SERPINA12: variants seen among roughly 807,000 people sequenced by gnomAD.
SERPINA12 encodes the protein serpin family A member 12, also known as serpin A12.
Under a neutral mutation model 25.9 loss-of-function variants are expected in SERPINA12, and 21 were observed. The ratio of observed to expected loss-of-function variants is 0.81; its 90% CI spans 0.58 to 1.17. SERPINA12 has a LOEUF of 1.17. SERPINA12 is among the 50% of genes most tolerant of loss of function. The pLI, the probability that SERPINA12 is intolerant of heterozygous loss-of-function variation, is 0.00. For synonymous variants in SERPINA12, 220 were observed against 196.0 expected, an observed-to-expected ratio of 1.12 and a Z score of -1.02; for missense variants, 562 against 508.3, an observed-to-expected ratio of 1.11 and a Z score of -1.02.
chr14:94,505,461 G>A (rs1339522733), intron 1 of SERPINA12, among the ~76,000 whole-genome samples: 1 of 152,240 alleles, frequency 6.6e-6, no homozygotes, highest in Non-Finnish European at 1.5e-5. Flanking sequence ...AAGACACCAT[G>A]TGAACGGCGA....
At chr14:94,487,837 G>A (rs1342765645) in intron 4 of SERPINA12, among the ~76,000 whole-genome samples, 3 of 152,152 alleles carry the variant, frequency 2.0e-5, no homozygotes, top group Non-Finnish European at 4.4e-5. Flanking sequence ...CTGGGTGAAA[G>A]TGAGGTGGTG....
chr14:94,508,325 G>A (rs1033152744), intron 1 of SERPINA12, among the ~76,000 whole-genome samples: 1 of 152,134 alleles, frequency 6.6e-6, no homozygotes, highest in African/African-American at 2.4e-5. Context: ...AAAGCTTCTA[G>A]TACAAAATGT....
intron 3 of SERPINA12, among the ~76,000 whole-genome samples, chr14:94,494,728 A>C (rs890199037): frequency 6.6e-6 from 1 of 152,236 alleles, no homozygotes; most frequent in Non-Finnish European, 1.5e-5. Context: ...ATGGGAAGGA[A>C]AGAGGAATTT....
chr14:94,505,269 A>G (rs944842901), intron 1 of SERPINA12, among the ~76,000 whole-genome samples: 2 of 152,164 alleles, frequency 1.3e-5, no homozygotes, highest in Non-Finnish European at 2.9e-5. Context: ...AAGAGGAGAC[A>G]CTAGTTCATT....
At chr14:94,501,863 C>T (rs761672635) in intron 1 of SERPINA12, among the ~76,000 whole-genome samples, 1 of 152,100 alleles carries the variant, frequency 6.6e-6, no homozygotes, top group African/African-American at 2.4e-5. Flanking sequence ...TCTGTCATCA[C>T]GGGCTTTAAA....
At chr14:94,499,654 T>C (rs924510024) in intron 1 of SERPINA12, among the ~76,000 whole-genome samples, 2 of 152,184 alleles carry the variant, frequency 1.3e-5, no homozygotes, top group African/African-American at 4.8e-5. Context: ...TTCATGGTTG[T>C]CTTAGATTGG....
chr14:94,494,918 C>G (rs1951013), intron 3 of SERPINA12, among the ~76,000 whole-genome samples: 26,848 of 152,090 alleles, frequency 0.18, 3,661 homozygotes, highest in African/African-American at 0.38. Context: ...GCCAACCCTT[C>G]CACCTCCCTG....
Position 94,497,631 on chromosome 14 carries a change from G to A in SERPINA12, c.634+133C>T, listed in dbSNP as rs117348167. 5,213 of 783,818 alleles carry A rather than the reference G, an allele frequency of 6.7e-3. 28 individuals are homozygous for A. Among genetic ancestry groups the A allele is most frequent in the Non-Finnish European group, 9.1e-3 (4,563 of 501,280 alleles). The allele number at this position is 783,818 out of a possible 1,614,324, so 48.6% of individuals were successfully genotyped here. On this transcript the variant is annotated intron_variant, in intron 2 of 4. Transcript: ENST00000677451. ...ATCATGGTAACCATTTTACAGATAG[G>A]AAAAGTGAGGTTTTGAGAGATAAAT...
rs960256663 is a variant in SERPINA12, at chr14:94,499,367, G to A, written c.-33-937C>T. On this transcript the variant is annotated intron_variant, in intron 1 of 4. Coordinates refer to ENST00000677451, the MANE Select transcript of SERPINA12 (RefSeq NM_001382267.1). ...TGACATCTTCCAACGGCCACTGTGA[G>A]CTTCTGGGAGACAAGACTTTTAGCT... Among the ~76,000 whole-genome samples the A allele has an allele frequency of 3.9e-5, 6 of 152,160 alleles. No individual in the cohort carries two copies. The South Asian group carries it at 1.2e-3, about 32-fold the overall frequency.
intron 1 of SERPINA12, among the ~76,000 whole-genome samples, chr14:94,499,617 TAGTC>T (rs1900626771): frequency 6.6e-6 from 1 of 152,232 alleles, no homozygotes; most frequent in African/African-American, 2.4e-5. Flanking sequence ...CTGTGGGTAA[TAGTC>T]AGCCTGTCCA....
At chr14:94,490,263 C>T (rs1043407877) in intron 3 of SERPINA12, among the ~76,000 whole-genome samples, 3 of 152,154 alleles carry the variant, frequency 2.0e-5, no homozygotes, top group Non-Finnish European at 2.9e-5. Flanking sequence ...GTCGCTCCTG[C>T]GGGACACTAG....
intron 1 of SERPINA12, chr14:94,503,406 G>A (rs1900812922): frequency 2.8e-6 from 2 of 715,832 alleles, no homozygotes; most frequent in South Asian, 6.2e-5. Flanking sequence ...CAGGCACTGG[G>A]GCACTAGAGC....
chr14:94,499,458 G>A (rs1285544525), intron 1 of SERPINA12, among the ~76,000 whole-genome samples: 2 of 152,218 alleles, frequency 1.3e-5, no homozygotes, highest in Non-Finnish European at 2.9e-5. Flanking sequence ...GGCCTAAAAA[G>A]CTTATTGATT....
intron 3 of SERPINA12, among the ~76,000 whole-genome samples, chr14:94,493,416 C>T (rs1020206126): frequency 6.6e-6 from 1 of 152,190 alleles, no homozygotes; most frequent in Non-Finnish European, 1.5e-5. Flanking sequence ...AGGAACCTTC[C>T]TTTCTATGGC....
chr14:94,497,062 C>T (rs1342313339), intron 2 of SERPINA12, among the ~76,000 whole-genome samples: 1 of 152,170 alleles, frequency 6.6e-6, no homozygotes, highest in Non-Finnish European at 1.5e-5. Context: ...TACCATGTTC[C>T]TGACACTCCA....
intron 1 of SERPINA12, chr14:94,501,013 C>CA (rs1381593777): frequency 7.1e-6 from 7 of 984,960 alleles, no homozygotes; most frequent in Non-Finnish European, 8.4e-6. Flanking sequence ...CTTCTACCCC[C>CA]AAAAACCACT....
At chr14:94,508,280 T>A (rs2139863644) in intron 1 of SERPINA12, among the ~76,000 whole-genome samples, 1 of 152,382 alleles carries the variant, frequency 6.6e-6, no homozygotes, top group African/African-American at 2.4e-5. Flanking sequence ...AAAATATTTT[T>A]AAGCAATCTC....
rs1169887731 is a variant in SERPINA12, at chr14:94,496,639, C to T, written c.639G>A (p.Arg213=). ...CATTTGGATCAAACTCATGTTTCCA[C>T]CTGGCTTAGATTGAAGAAAGACAAA... ...LLANYIFFRA[R]WKHEFDPNVT... The change falls in exon 3 of 5, where the codon AGG becomes AGA. Residue 213 remains arginine (R), a synonymous_variant. Transcript: ENST00000677451. The T allele has an allele frequency of 1.2e-6, 2 of 1,613,716 alleles. No individual in the cohort carries two copies. Among genetic ancestry groups the T allele is most frequent in the Non-Finnish European group, 8.5e-7 (1 of 1,179,818 alleles).
chr14:94,505,990 A>G (rs1051468305), intron 1 of SERPINA12, among the ~76,000 whole-genome samples: 7 of 152,196 alleles, frequency 4.6e-5, no homozygotes, highest in African/African-American at 1.7e-4. Context: ...GGATATAGGC[A>G]TGGGAGGGAG....
Sources: gnomAD v4.1 joint callset for allele counts (sites outside exome capture counted in the v4.1 genomes callset) on GRCh38, gnomAD v4.1.1 for gene constraint, MANE v1.5 for transcripts, NCBI Gene and HGNC (gene_info 2026-07-23, HGNC 2026-07-21) for gene names.